The following NLRP3 variants were observed in gnomAD, a reference collection of about 807,000 sequenced individuals.
NLRP3 encodes the protein NLR family pyrin domain containing 3.
NLRP3 carries 48 observed loss-of-function variants against 91.3 expected under a neutral mutation model. The ratio of observed to expected loss-of-function variants is 0.53; its 90% CI spans 0.42 to 0.67. The LOEUF is 0.67. Ranked by LOEUF, NLRP3 falls within the 30% of genes least tolerant of loss-of-function variation. The pLI is 0.00. For synonymous variants in NLRP3, 561 were observed against 507.9 expected (o/e 1.10, Z -1.41); for missense variants, 982 against 1,276.9 (o/e 0.77, Z 3.52).
intron 2 of NLRP3, 87 bp downstream of exon 2, chr1:247,419,164 A>ATTTT (rs796602770): frequency 0.039 from 26,900 of 685,878 alleles, 607 homozygotes; most frequent in East Asian, 0.096. Context: ...ATATATATAT[A>ATTTT]TTTTTTTTTG....
chr1:247,430,773 CT>C (rs34058758), intron 5 of NLRP3, among the ~76,000 whole-genome samples: 22,582 of 147,172 alleles, frequency 0.15, 1,753 homozygotes, highest in Middle Eastern at 0.2. Context: ...TATGAAAATA[CT>C]TTTTTTTTTT....
intron 5 of NLRP3, among the ~76,000 whole-genome samples, chr1:247,430,971 G>A (rs979302944): frequency 4.0e-5 from 6 of 151,658 alleles, no homozygotes; most frequent in Admixed American, 6.6e-5. Context: ...GTCTCATCAC[G>A]TTGCCCAGCC....
At chr1:247,445,240 G>A (rs945067241) in intron 9 of NLRP3, among the ~76,000 whole-genome samples, 7 of 151,810 alleles carry the variant, frequency 4.6e-5, no homozygotes, top group East Asian at 1.9e-4. Context: ...TTGCTCTGTC[G>A]CCCAGGCTGG....
intron 9 of NLRP3, among the ~76,000 whole-genome samples, chr1:247,447,266 G>C (rs1224630626): frequency 6.6e-6 from 1 of 152,254 alleles, no homozygotes; most frequent in South Asian, 2.1e-4. Context: ...TTATGTGATT[G>C]CATGGAGGGA....
At chr1:247,437,395 C>T (rs546106613) in intron 7 of NLRP3, among the ~76,000 whole-genome samples, 2 of 152,322 alleles carry the variant, frequency 1.3e-5, no homozygotes, top group Admixed American at 6.5e-5. Context: ...TAACAACCAA[C>T]CTCTGTTCAC....
intron 5 of NLRP3, 44 bp downstream of exon 5, chr1:247,429,799 G>A: frequency 7.6e-7 from 1 of 1,323,718 alleles, no homozygotes; most frequent in Non-Finnish European, 1.1e-6. Flanking sequence ...AAGTTCATAT[G>A]AGAGAGAGAG....
At chr1:247,423,145 T>A (rs1662587113) in intron 2 of NLRP3, 85 bp from the exon 3 acceptor site, 3 of 1,588,766 alleles carry the variant, frequency 1.9e-6, no homozygotes, top group Non-Finnish European at 2.6e-6. Context: ...GGGTCTCCTC[T>A]CTCATGCCAA....
intron 5 of NLRP3, among the ~76,000 whole-genome samples, chr1:247,433,163 C>T (rs1032641934): frequency 5.3e-5 from 8 of 151,654 alleles, no homozygotes; most frequent in Non-Finnish European, 7.4e-5. Flanking sequence ...GCTATGATCT[C>T]GCCAGTGCAC....
rs758016730 is a variant in NLRP3 at position 247,436,047 on chromosome 1, G to A, written c.2570G>A (p.Arg857Lys). 22 of 1,614,056 alleles carry A rather than the reference G, an allele frequency of 1.4e-5. No individual in the cohort carries two copies. The highest frequency in any genetic ancestry group is 1.9e-5 in the Non-Finnish European group (22 of 1,180,042). Reference sequence around the variant, plus strand: ...TTGAGCACCAGCCATTCCCTGACCAGACTCTATGTGGGGGAGAATGCCTTG... The same window carrying A: ...TTGAGCACCAGCCATTCCCTGACCAAACTCTATGTGGGGGAGAATGCCTTG... ...SVLSTSHSLT[R>K]LYVGENALGD... The change falls in exon 7 of 10, where the codon AGA becomes AAA. Residue 857 changes from arginine (R) to lysine (K), a missense_variant. Coordinates refer to ENST00000336119, the MANE Select transcript of NLRP3 (RefSeq NM_001243133.2).
intron 2 of NLRP3, among the ~76,000 whole-genome samples, chr1:247,422,077 G>A (rs1362829642): frequency 6.6e-6 from 1 of 152,202 alleles, no homozygotes; most frequent in Non-Finnish European, 1.5e-5. Flanking sequence ...CAAGTAGACA[G>A]CTGTCAGAGG....
chr1:247,431,479 C>T (rs889700177), intron 5 of NLRP3, among the ~76,000 whole-genome samples: 2 of 152,194 alleles, frequency 1.3e-5, no homozygotes, highest in Non-Finnish European at 1.5e-5. Context: ...TCCTCGTCCT[C>T]ACCCCACCAG....
chr1:247,441,556 A>G (rs1408508525), intron 7 of NLRP3, among the ~76,000 whole-genome samples: 1 of 152,192 alleles, frequency 6.6e-6, no homozygotes, highest in Non-Finnish European at 1.5e-5. Flanking sequence ...GTTTTGTGAC[A>G]TAGGCAGGTA....
At chr1:247,445,490 G>A (rs151052827) in intron 9 of NLRP3, among the ~76,000 whole-genome samples, 1,682 of 152,280 alleles carry the variant, frequency 0.011, 35 homozygotes, top group African/African-American at 0.039. Flanking sequence ...GTGAGCCTCC[G>A]TGCCTGGCGG....
intron 9 of NLRP3, among the ~76,000 whole-genome samples, chr1:247,445,982 T>G (rs1422501374): frequency 6.6e-6 from 1 of 152,176 alleles, no homozygotes; most frequent in Non-Finnish European, 1.5e-5. Flanking sequence ...CTTGAAGGTT[T>G]AATAAACCTC....
At chr1:247,419,560 T>C (rs1173607667) in intron 2 of NLRP3, among the ~76,000 whole-genome samples, 1 of 152,212 alleles carries the variant, frequency 6.6e-6, no homozygotes, top group East Asian at 1.9e-4. Context: ...CCTCACCCAT[T>C]GAATGATAAC....
At chr1:247,432,445 G>A (rs1340823998) in intron 5 of NLRP3, among the ~76,000 whole-genome samples, 2 of 152,164 alleles carry the variant, frequency 1.3e-5, no homozygotes, top group East Asian at 3.8e-4. Context: ...TTCTATGGCT[G>A]AGCAGTATTC....
intron 2 of NLRP3, among the ~76,000 whole-genome samples, chr1:247,421,979 A>G (rs1382500593): frequency 6.6e-6 from 1 of 152,158 alleles, no homozygotes; most frequent in African/African-American, 2.4e-5. Context: ...AGCTTTGGAA[A>G]CAAAGCAAGA....
chr1:247,423,980 C>T lies in NLRP3; in HGVS notation c.531C>T (p.Ser177=). 1 of 1,614,024 alleles carries T rather than the reference C, an allele frequency of 6.2e-7. No individual in the cohort carries two copies. Among genetic ancestry groups the T allele is most frequent in the Non-Finnish European group, 8.5e-7 (1 of 1,179,988 alleles). ...TRLRLIKEHR[S]QQEREQELLA... is the part of the protein sequence containing the mutation. ...TGCGTCTCATCAAGGAGCACCGGAG[C>T]CAGCAGGAGAGGGAGCAGGAGCTTC... Residue 177 remains serine, a synonymous_variant, in exon 4 of 10, where the codon AGC becomes AGT. Coordinates refer to ENST00000336119, the MANE Select transcript of NLRP3 (RefSeq NM_001243133.2).
At position 247,423,849 on chromosome 1, in the gene NLRP3, T is replaced by C; in HGVS notation, c.400T>C (p.Tyr134His). Residue 134 changes from tyrosine to histidine, a missense_variant and splice_region_variant, in exon 4 of 10, where the codon TAC (tyrosine) becomes CAC (histidine). Physicochemically the swap from Tyr to His is moderately conservative, Grantham distance 83. Transcript: ENST00000336119. ...RISICKMKKD[Y>H]RKKYRKYVRS... The stretch of plus-strand genomic sequence containing the variant: ...CTAACTTCCTGTCTTTGCCGTAGAT[T>C]ACCGTAAGAAGTACAGAAAGTACGT... 6.2e-7 allele frequency: 1 copy of C among 1,613,634 alleles called. No individual in the cohort carries two copies.
Sources: allele counts gnomAD v4.1 joint callset (sites outside exome capture counted in the v4.1 genomes callset), GRCh38; gene constraint gnomAD v4.1.1; transcripts MANE v1.5; gene names NCBI Gene and HGNC (gene_info 2026-07-23, HGNC 2026-07-21).